The following KAT6A variants were observed in gnomAD, a reference collection of about 807,000 sequenced individuals.
The protein encoded by KAT6A is lysine acetyltransferase 6A, also known as histone acetyltransferase KAT6A.
In KAT6A, 9 loss-of-function variants were observed where a neutral mutation model predicts 198.4. The ratio of observed to expected loss-of-function variants is 0.05; its 90% CI spans 0.03 to 0.08. The LOEUF is 0.08. KAT6A is among the 10% of genes least tolerant of loss of function. The pLI, the probability that KAT6A is intolerant of heterozygous loss-of-function variation, is 1.00. For synonymous variants in KAT6A, 890 were observed against 883.0 expected (o/e 1.01, Z -0.14); for missense variants, 2,077 against 2,509.9 (o/e 0.83, Z 3.69).
rs1485793590 is a variant in KAT6A at position 41,932,780 on chromosome 8, G to A, written c.5440C>T (p.Pro1814Ser). The change falls in exon 17 of 17, where the codon CCA becomes TCA. Residue 1814 changes from proline (P) to serine (S), a missense_variant. By Grantham distance (74) the Pro-to-Ser change is moderately conservative. This residue lies in a region of KAT6A where 500 missense variants were observed against 577.2 expected (regional missense o/e 0.87). Coordinates refer to ENST00000265713, the MANE Select transcript of KAT6A (RefSeq NM_006766.5). ...PQAQATMTPP[P>S]NLASTTMNLT... ...TTCATGGTAGTGGATGCCAAGTTTG[G>A]GGGTGGCGTCATGGTGGCTTGTGCT... is the stretch of plus-strand genomic sequence containing the variant. 2 of 1,614,216 alleles carry A rather than the reference G, an allele frequency of 1.2e-6. No homozygotes were observed. The highest frequency in any genetic ancestry group is 4.5e-5 in the East Asian group (2 of 44,882).
Position 41,980,921 on chromosome 8 carries a change from T to C in KAT6A, c.832A>G (p.Met278Val), listed in dbSNP as rs1564038586. The change falls in exon 5 of 17, where the codon ATG becomes GTG. Residue 278 changes from methionine to valine, a missense_variant. Physicochemically the swap from Met to Val is conservative, Grantham distance 21. Around this residue, in one of 13 missense-constraint regions of KAT6A, gnomAD observed 89 missense variants for 154.4 expected, o/e 0.58. Coordinates refer to ENST00000265713, the MANE Select transcript of KAT6A (RefSeq NM_006766.5). Reference protein sequence around the residue: ...CRDQGKNADNMLFCDSCDRGF... With the variant: ...CRDQGKNADNVLFCDSCDRGF... ...CGGTCACATGAATCACAAAAGAGCA[T>C]GTTATCCTATTAGAAAAAAGAAAGG... 6.2e-7 allele frequency: 1 copy of C among 1,610,486 alleles called. No homozygotes were observed. The highest frequency in any genetic ancestry group is 8.5e-7 in the Non-Finnish European group (1 of 1,177,442).
intron 2 of KAT6A, among the ~76,000 whole-genome samples, chr8:42,006,434 G>C (rs1388546014): frequency 6.6e-6 from 1 of 152,202 alleles, no homozygotes; most frequent in East Asian, 1.9e-4. Context: ...ACCTCAGGTT[G>C]GGTATCCCTT....
intron 1 of KAT6A, among the ~76,000 whole-genome samples, chr8:42,051,544 C>T (rs924681295): frequency 1.4e-5 from 2 of 144,596 alleles, no homozygotes; most frequent in African/African-American, 4.9e-5. Context: ...CCCGAGGCTC[C>T]GCGGCCTGGG....
intron 8 of KAT6A, among the ~76,000 whole-genome samples, chr8:41,972,375 C>G (rs1157699291): frequency 1.3e-5 from 2 of 152,158 alleles, no homozygotes; most frequent in East Asian, 1.9e-4. Context: ...ATCTGCATTT[C>G]TGTCTCAAAG....
At chr8:42,019,029 C>T (rs1826403696) in intron 2 of KAT6A, among the ~76,000 whole-genome samples, 2 of 152,158 alleles carry the variant, frequency 1.3e-5, no homozygotes, top group African/African-American at 4.8e-5. Context: ...CAAGAGGCAA[C>T]AGCATCTGGT....
At chr8:41,951,566 A>G in intron 9 of KAT6A, among the ~76,000 whole-genome samples, 1 of 152,218 alleles carries the variant, frequency 6.6e-6, no homozygotes, top group East Asian at 1.9e-4. Flanking sequence ...GCTATCAAAC[A>G]GGTAGCTGTA....
rs915139513 is a variant in KAT6A, at chr8:41,957,225, C to T, written c.1483-1814G>A. 11 of 576,734 alleles carry T rather than the reference C, an allele frequency of 1.9e-5. No homozygotes were observed. In the East Asian group the frequency reaches 1.9e-4, roughly 10 times the overall value. 35.7% of individuals were successfully genotyped at this position (576,734 alleles called of 1,614,324 possible). On this transcript the variant is annotated intron_variant, in intron 8 of 16. Transcript: ENST00000265713. ...TGGTAGGTTCCCCTCTGCCCACACC[C>T]GCCTTTAACCTTTGCACCGTGAAAC...
chr8:41,934,581 T>C lies in KAT6A; in HGVS notation c.3639A>G (p.Pro1213=). The C allele has an allele frequency of 6.2e-7, 1 of 1,614,136 alleles. No individual in the cohort carries two copies. The highest frequency in any genetic ancestry group is 2.2e-5 in the East Asian group (1 of 44,856). The change falls in exon 17 of 17, where the codon CCA becomes CCG. Residue 1213 remains proline, a synonymous_variant. Coordinates refer to ENST00000265713, the MANE Select transcript of KAT6A (RefSeq NM_006766.5). ...CCTCGGGTAGGGGCATGTCTTCTTT[T>C]GGCTCAACAGTTTCTTCACTCTCCT... ...KIQESEETVE[P]KEDMPLPEER... is the part of the protein sequence containing the mutation.
chr8:41,970,868 T>G lies in KAT6A; in HGVS notation c.1482+3836A>C, dbSNP rs189741159. Among the ~76,000 whole-genome samples, 282 of 152,318 alleles carry G rather than the reference T, an allele frequency of 1.9e-3. 1 individual carries two copies. Among genetic ancestry groups the G allele is most frequent in the African/African-American group, 6.4e-3 (264 of 41,566 alleles). ...CTGGATTAAGAAAATGTGGCACATA[T>G]ACACCAGGGAATACTATGCAGCCAT... On this transcript the variant is annotated intron_variant, in intron 8 of 16. Transcript: ENST00000265713.
At chr8:42,012,199 T>A (rs1826053877) in intron 2 of KAT6A, among the ~76,000 whole-genome samples, 1 of 152,190 alleles carries the variant, frequency 6.6e-6, no homozygotes, top group Non-Finnish European at 1.5e-5. Context: ...TAGCAGTTTC[T>A]TATAAAAGTT....
chr8:42,036,984 T>G (rs970258546), intron 2 of KAT6A, among the ~76,000 whole-genome samples: 1 of 152,204 alleles, frequency 6.6e-6, no homozygotes, highest in African/African-American at 2.4e-5. Flanking sequence ...AAAAAGTACC[T>G]GCTTCTTCTG....
intron 6 of KAT6A, 38 bp downstream of exon 6, chr8:41,978,604 T>A (rs1423915323): frequency 6.2e-7 from 1 of 1,606,976 alleles, no homozygotes; most frequent in South Asian, 1.1e-5. Context: ...GAAGACCCTA[T>A]CCTTTTCTCC....
Position 41,946,671 on chromosome 8 carries a change from T to A in KAT6A, c.1916A>T (p.Gln639Leu). 1 of 1,598,550 alleles carries A rather than the reference T, an allele frequency of 6.3e-7. No individual in the cohort carries two copies. Among genetic ancestry groups the A allele is most frequent in the African/African-American group, 1.3e-5 (1 of 74,610 alleles). ...VGYFSKEKHC[Q>L]QKYNVSCIMI... Reference sequence around the variant, plus strand: ...TATACAGGAAACATTGTACTTCTGTTGGCAGTGCTTTTCCTGGTGGAGAAA... The same window carrying A: ...TATACAGGAAACATTGTACTTCTGTAGGCAGTGCTTTTCCTGGTGGAGAAA... The change falls in exon 12 of 17, where the codon CAA (glutamine) becomes CTA (leucine). Residue 639 changes from glutamine to leucine, a missense_variant. Physicochemically the swap from Gln to Leu is moderately radical, Grantham distance 113 (BLOSUM62 -2). Coordinates refer to ENST00000265713, the MANE Select transcript of KAT6A (RefSeq NM_006766.5).
intron 16 of KAT6A, among the ~76,000 whole-genome samples, chr8:41,936,948 G>A (rs995388985): frequency 6.6e-6 from 1 of 152,234 alleles, no homozygotes; most frequent in Non-Finnish European, 1.5e-5. Context: ...CTGATGCTAA[G>A]TCCAACTCTC....
intron 11 of KAT6A, among the ~76,000 whole-genome samples, chr8:41,947,028 T>A (rs1453656562): frequency 6.6e-6 from 1 of 152,240 alleles, no homozygotes; most frequent in Non-Finnish European, 1.5e-5. Context: ...AGTGTGCCAC[T>A]CTAGAAGTGA....
At chr8:42,007,665 T>A (rs1825813363) in intron 2 of KAT6A, among the ~76,000 whole-genome samples, 1 of 152,058 alleles carries the variant, frequency 6.6e-6, no homozygotes, top group African/African-American at 2.4e-5. Context: ...GAAAGTTCAT[T>A]AAAATTTTTA....
intron 8 of KAT6A, among the ~76,000 whole-genome samples, chr8:41,963,443 T>C (rs958524574): frequency 6.6e-6 from 1 of 152,332 alleles, no homozygotes; most frequent in Non-Finnish European, 1.5e-5. Context: ...AATAGAACAC[T>C]AGAAGACCTA....
Position 41,933,417 on chromosome 8 carries a change from G to T in KAT6A, c.4803C>A (p.Ser1601Arg), listed in dbSNP as rs764135467. ...CCATCTGCTGAGTGACCACACAGCT[G>T]CTCTGGGTGAGGCTGCTGGAGGACG... is the stretch of plus-strand genomic sequence containing the variant. ...GLSSSSSLTQSSCVVTQQMAS... is the reference protein window; with the variant it reads ...GLSSSSSLTQRSCVVTQQMAS... The change falls in exon 17 of 17, where the codon AGC becomes AGA. Residue 1601 changes from serine (S) to arginine (R), a missense_variant. This residue lies in a region of KAT6A where 500 missense variants were observed against 577.2 expected (regional missense o/e 0.87). Transcript: ENST00000265713. This position sits in a 1 kb window ranked among gnomAD's most constrained non-coding sequence, Gnocchi z 6.2. 2 of 1,611,268 alleles carry T rather than the reference G, an allele frequency of 1.2e-6. No individual in the cohort carries two copies. The highest frequency in any genetic ancestry group is 1.1e-5 in the South Asian group (1 of 90,916).
At chr8:42,038,652 AT>A (rs1827491539) in intron 2 of KAT6A, among the ~76,000 whole-genome samples, 1 of 152,204 alleles carries the variant, frequency 6.6e-6, no homozygotes, top group African/African-American at 2.4e-5. Flanking sequence ...AAATTTCCCT[AT>A]TATTTGTGAA....
Sources: gnomAD v4.1 joint callset for allele counts (sites outside exome capture counted in the v4.1 genomes callset) on GRCh38, gnomAD v4.1.1 for gene constraint, gnomAD v4.1.1 regional missense constraint, Gnocchi (gnomAD v3.1) non-coding constraint, MANE v1.5 for transcripts, NCBI Gene and HGNC (gene_info 2026-07-23, HGNC 2026-07-21) for gene names.